Variants in VPS13B observed in about 807,000 individuals in gnomAD.
The protein encoded by VPS13B is intermembrane lipid transfer protein VPS13B.
VPS13B carries 285 observed loss-of-function variants against 426.4 expected under a neutral mutation model. That is an observed-to-expected ratio of 0.67 (90% CI 0.61 to 0.74). The LOEUF (loss-of-function observed/expected upper bound fraction) is 0.74, where lower values mean the gene tolerates loss of function less well. VPS13B is among the 30% of genes least tolerant of loss of function. The pLI, the probability that VPS13B is intolerant of heterozygous loss-of-function variation, is 0.00. For missense variants in VPS13B, 4,537 were observed against 4,782.6 expected, an observed-to-expected ratio of 0.95 and a Z score of 1.51; for synonymous variants, 1,676 against 1,676.4, an observed-to-expected ratio of 1.00 and a Z score of 0.01.
intron 58 of VPS13B, among the ~76,000 whole-genome samples, chr8:99,865,472 C>G (rs929646300): frequency 6.6e-6 from 1 of 152,226 alleles, no homozygotes; most frequent in Non-Finnish European, 1.5e-5. Flanking sequence ...CATCTGGAAT[C>G]CCAACAAAAC....
intron 33 of VPS13B, among the ~76,000 whole-genome samples, chr8:99,624,808 CTTTTT>C (rs35211688): frequency 4.4e-5 from 6 of 136,908 alleles, no homozygotes; most frequent in Non-Finnish European, 9.4e-5. Flanking sequence ...CCTTATTTTG[CTTTTT>C]TTTTTTTTTT....
At chr8:99,173,177 G>C (rs1812449498) in intron 16 of VPS13B, among the ~76,000 whole-genome samples, 2 of 152,054 alleles carry the variant, frequency 1.3e-5, no homozygotes, top group African/African-American at 4.8e-5. Flanking sequence ...ATTTGCAGGG[G>C]AAAAATGCTT....
intron 37 of VPS13B, among the ~76,000 whole-genome samples, chr8:99,718,249 AT>A (rs976900405): frequency 2.7e-5 from 4 of 146,908 alleles, no homozygotes; most frequent in Non-Finnish European, 4.5e-5. Context: ...AATGTTTTTT[AT>A]TTTTTTTTTC....
intron 22 of VPS13B, among the ~76,000 whole-genome samples, chr8:99,439,693 A>T (rs1361891054): frequency 6.6e-6 from 1 of 152,112 alleles, no homozygotes; most frequent in Non-Finnish European, 1.5e-5. Flanking sequence ...AAGGGAAGAA[A>T]ATGTGGCACA....
intron 59 of VPS13B, among the ~76,000 whole-genome samples, 195 bp from the exon 60 acceptor site, chr8:99,870,590 T>G (rs1485066798): frequency 1.3e-5 from 2 of 152,234 alleles, no homozygotes; most frequent in African/African-American, 4.8e-5. Context: ...TATTTTAGTT[T>G]GTTACTAATG....
intron 35 of VPS13B, among the ~76,000 whole-genome samples, chr8:99,673,932 G>A (rs1282542574): frequency 1.3e-5 from 2 of 151,820 alleles, no homozygotes; most frequent in East Asian, 3.8e-4. Context: ...TCCTGTTATT[G>A]GTTGCTAGTT....
chr8:99,113,366 G>C (rs1179790127), intron 6 of VPS13B, among the ~76,000 whole-genome samples: 1 of 152,148 alleles, frequency 6.6e-6, no homozygotes, highest in Non-Finnish European at 1.5e-5. Flanking sequence ...GCCTCCCAAA[G>C]TGCTGGGATT....
chr8:99,768,929 A>G (rs1030389917), intron 40 of VPS13B, among the ~76,000 whole-genome samples: 3 of 152,200 alleles, frequency 2.0e-5, no homozygotes, highest in Non-Finnish European at 4.4e-5. Context: ...CATTAATAGT[A>G]TCAAGTTAGA....
In VPS13B at chr8:99,135,069, A is replaced by G. The variant is rs767057004; in HGVS notation, c.1357A>G (p.Arg453Gly). The G allele has an allele frequency of 6.8e-6, 11 of 1,613,638 alleles. No homozygotes were observed. In the South Asian group the frequency reaches 1.2e-4, roughly 18 times the overall value. The change falls in exon 10 of 62, where the codon AGA becomes GGA. Residue 453 changes from arginine to glycine, a missense_variant. Physicochemically the swap from Arg to Gly is moderately radical, Grantham distance 125. Transcript: ENST00000357162. ...TTGCCAGATTGGGTTTGTTGGTTGC[A>G]GAGCCATGTGCCTTAAAGGAATTAT... ...FDCQIGFVGCRAMCLKGIMGV... is the reference protein window; with the variant it reads ...FDCQIGFVGCGAMCLKGIMGV...
chr8:99,875,262 A>ATATC (rs1371080279), intron 61 of VPS13B, among the ~76,000 whole-genome samples, 156 bp from the exon 62 acceptor site: 21 of 152,252 alleles, frequency 1.4e-4, no homozygotes, highest in African/African-American at 5.1e-4. Context: ...TATCGTTGCC[A>ATATC]TATCTCAGAG....
At chr8:99,639,536 C>CTA (rs1378592333) in intron 33 of VPS13B, among the ~76,000 whole-genome samples, 4 of 151,782 alleles carry the variant, frequency 2.6e-5, no homozygotes, top group African/African-American at 4.8e-5. Flanking sequence ...TTCTCAACAA[C>CTA]TATAAAAACC....
chr8:99,050,885 T>G (rs1370465615), intron 3 of VPS13B, among the ~76,000 whole-genome samples: 1 of 152,024 alleles, frequency 6.6e-6, no homozygotes, highest in Non-Finnish European at 1.5e-5. Flanking sequence ...GGGGTTGTTT[T>G]TTTCTTGTAT....
In VPS13B at chr8:99,861,806, C is replaced by A; in HGVS notation, c.11075C>A (p.Thr3692Lys). 6.3e-7 allele frequency: 1 copy of A among 1,598,580 alleles called. No homozygotes were observed. The highest frequency in any genetic ancestry group is 1.1e-5 in the South Asian group (1 of 88,036). Residue 3692 changes from threonine to lysine, a missense_variant, in exon 58 of 62, where the codon ACA (threonine) becomes AAA (lysine). By Grantham distance (78) the Thr-to-Lys change is moderately conservative (BLOSUM62 -1). Around this residue, in one of 2 missense-constraint regions of VPS13B, gnomAD observed 4,311 missense variants for 4,474.3 expected, o/e 0.96. Transcript: ENST00000357162. ...GTLTSITNLATSLARNMDRLS... is the reference protein window; with the variant it reads ...GTLTSITNLAKSLARNMDRLS... ...CTCACATCCATCACCAACCTCGCCACAAGCCTGGCCCGGAACATGGACCGG... is the reference window on the plus strand; with the variant it reads ...CTCACATCCATCACCAACCTCGCCAAAAGCCTGGCCCGGAACATGGACCGG...
intron 43 of VPS13B, among the ~76,000 whole-genome samples, chr8:99,785,871 G>A (rs1205935615): frequency 1.3e-5 from 2 of 152,060 alleles, no homozygotes; most frequent in African/African-American, 4.8e-5. Flanking sequence ...TGAATTATGT[G>A]GGACAGGAAA....
intron 40 of VPS13B, among the ~76,000 whole-genome samples, chr8:99,768,176 C>G (rs1241111547): frequency 6.6e-6 from 1 of 152,158 alleles, no homozygotes; most frequent in Non-Finnish European, 1.5e-5. Flanking sequence ...CTATGCTGTT[C>G]ATTGCTGTGG....
In VPS13B at chr8:99,876,039, C is replaced by CATTT. The variant is rs374440758; in HGVS notation, c.*378_*381dup. 16 of 247,366 alleles carry CATTT rather than the reference C, an allele frequency of 6.5e-5. No individual in the cohort carries two copies. Among genetic ancestry groups the CATTT allele is most frequent in the African/African-American group, 2.5e-4 (11 of 44,676 alleles). 15.3% of individuals were successfully genotyped at this position (247,366 alleles called of 1,614,324 possible). ...ATGTTCTTACCACATACAGAGGATG[C>CATTT]ATTTATTTTTGCTCTATGACACTTG... On this transcript the variant is annotated 3_prime_UTR_variant, in exon 62 of 62. Transcript: ENST00000357162.
At chr8:99,872,853 G>A (rs1817496874) in intron 61 of VPS13B, among the ~76,000 whole-genome samples, 1 of 152,170 alleles carries the variant, frequency 6.6e-6, no homozygotes, top group African/African-American at 2.4e-5. Context: ...AAAATTATCT[G>A]AGAAGATGGA....
At chr8:99,708,571 T>A (rs1360815032) in intron 36 of VPS13B, among the ~76,000 whole-genome samples, 1 of 152,098 alleles carries the variant, frequency 6.6e-6, no homozygotes, top group Non-Finnish European at 1.5e-5. Flanking sequence ...TAAGTCACAG[T>A]CCCTGGGGAA....
At chr8:99,358,109 A>C (rs1378617660) in intron 19 of VPS13B, among the ~76,000 whole-genome samples, 1 of 152,144 alleles carries the variant, frequency 6.6e-6, no homozygotes, top group Non-Finnish European at 1.5e-5. Flanking sequence ...TTCTGAAGCC[A>C]GACCGCTGCT....
Sources: gnomAD v4.1 joint callset for allele counts (sites outside exome capture counted in the v4.1 genomes callset) on GRCh38, gnomAD v4.1.1 for gene constraint, gnomAD v4.1.1 regional missense constraint, MANE v1.5 for transcripts, NCBI Gene and HGNC (gene_info 2026-07-23, HGNC 2026-07-21) for gene names.